The following CIB4 variants were observed in gnomAD, a reference collection of about 807,000 sequenced individuals.
The protein encoded by CIB4 is calcium and integrin-binding family member 4.
A neutral mutation model predicts 25.8 loss-of-function variants in CIB4; 25 were observed. The observed-to-expected ratio is 0.97, with a 90% CI of 0.71 to 1.35. CIB4 has a LOEUF of 1.35. CIB4 is among the 40% of genes most tolerant of loss of function. The pLI is 0.00. For missense variants in CIB4, 235 were observed against 228.2 expected (o/e 1.03, Z -0.19); for synonymous variants, 75 against 81.4 (o/e 0.92, Z 0.42).
At chr2:26,618,548 C>T (rs1172348901) in intron 3 of CIB4, among the ~76,000 whole-genome samples, 1 of 152,204 alleles carries the variant, frequency 6.6e-6, no homozygotes, top group Non-Finnish European at 1.5e-5. Context: ...AATCCTCCCA[C>T]CTCGACCTCC....
At chr2:26,591,507 G>C (rs930126325) in intron 4 of CIB4, among the ~76,000 whole-genome samples, 2 of 152,156 alleles carry the variant, frequency 1.3e-5, no homozygotes, top group Non-Finnish European at 2.9e-5. Flanking sequence ...GTGCCCTAGG[G>C]CCCCAGGAGT....
chr2:26,634,927 C>G (rs12476755), intron 2 of CIB4, among the ~76,000 whole-genome samples: 4 of 152,238 alleles, frequency 2.6e-5, no homozygotes, highest in Admixed American at 2.6e-4. Context: ...TCGGGCTGAG[C>G]CAGGCTGACC....
rs1388586200 is a variant in CIB4 at position 26,629,797 on chromosome 2, C to T, written c.90-291G>A. Reference sequence around the variant, plus strand: ...AAAGTTAGGCGAATATGCCCTGTAGCGAGCAGCACACTCTACGAGGGTTCA... The same window carrying T: ...AAAGTTAGGCGAATATGCCCTGTAGTGAGCAGCACACTCTACGAGGGTTCA... On this transcript the variant is annotated intron_variant, in intron 2 of 6. Transcript: ENST00000288861. Among the ~76,000 whole-genome samples the T allele has an allele frequency of 2.6e-5, 4 of 152,260 alleles. No individual in the cohort carries two copies. In the East Asian group the frequency reaches 7.7e-4, roughly 29 times the overall value.
At chr2:26,629,610 G>C in intron 2 of CIB4, 104 bp from the exon 3 acceptor site, 1 of 750,454 alleles carries the variant, frequency 1.3e-6, no homozygotes, top group South Asian at 1.5e-5. Context: ...CAAGGGGTGG[G>C]GGTGTCTCTT....
chr2:26,605,136 C>T (rs1352191445), intron 3 of CIB4, among the ~76,000 whole-genome samples: 1 of 151,864 alleles, frequency 6.6e-6, no homozygotes, highest in Admixed American at 6.6e-5. Flanking sequence ...CTTGAAAACC[C>T]TCAAAGTCAA....
intron 2 of CIB4, among the ~76,000 whole-genome samples, chr2:26,639,996 T>TC (rs1410339139): frequency 6.7e-6 from 1 of 150,198 alleles, no homozygotes; most frequent in African/African-American, 2.5e-5. Flanking sequence ...TGAAGTTTCT[T>TC]CCCCACTGGA....
rs186367187 is a variant in CIB4, at chr2:26,598,297, C to T, written c.187-2980G>A. ...CCTGGGTGACAGAGGGAGACTCCAT[C>T]TCAAAAAAAAAAAAAAGTGCAAAAA... On this transcript the variant is annotated intron_variant, in intron 3 of 6. Transcript: ENST00000288861. Among the ~76,000 whole-genome samples, 754 of 147,792 alleles carry T rather than the reference C, an allele frequency of 5.1e-3. 4 individuals are homozygous for T. Among genetic ancestry groups the T allele is most frequent in the Middle Eastern group, 0.01 (3 of 292 alleles).
chr2:26,634,901 G>A (rs59026065), intron 2 of CIB4, among the ~76,000 whole-genome samples: 1,962 of 152,378 alleles, frequency 0.013, 51 homozygotes, highest in African/African-American at 0.044. Context: ...AGGCAATGCA[G>A]AGTAGTCCGA....
intron 3 of CIB4, among the ~76,000 whole-genome samples, chr2:26,607,243 T>C (rs1255960354): frequency 6.6e-6 from 1 of 152,238 alleles, no homozygotes; most frequent in Admixed American, 6.5e-5. Flanking sequence ...AATGACTTCT[T>C]ATTTGACATC....
intron 4 of CIB4, among the ~76,000 whole-genome samples, chr2:26,585,936 G>T (rs982607107): frequency 6.6e-6 from 1 of 151,844 alleles, no homozygotes; most frequent in African/African-American, 2.4e-5. Flanking sequence ...GACTCTTCAG[G>T]ACTCTTCCAG....
At chr2:26,582,370 G>T (rs1267562459) in intron 6 of CIB4, among the ~76,000 whole-genome samples, 2 of 152,222 alleles carry the variant, frequency 1.3e-5, no homozygotes, top group Non-Finnish European at 2.9e-5. Flanking sequence ...GGCCTCAGAA[G>T]ACCCTTTGGG....
intron 3 of CIB4, among the ~76,000 whole-genome samples, chr2:26,620,058 G>A (rs928384813): frequency 1.3e-4 from 19 of 145,456 alleles, no homozygotes; most frequent in African/African-American, 4.2e-4. Context: ...AGCCCACAGC[G>A]GGGAAGGCAA....
chr2:26,637,583 A>G (rs138723257), intron 2 of CIB4, among the ~76,000 whole-genome samples: 5 of 152,118 alleles, frequency 3.3e-5, no homozygotes, highest in Non-Finnish European at 7.3e-5. Flanking sequence ...TCAAACAGAA[A>G]GCTCTTCCCC....
chr2:26,596,746 TAAA>T (rs11286952), intron 3 of CIB4, among the ~76,000 whole-genome samples: 85 of 143,182 alleles, frequency 5.9e-4, no homozygotes, highest in Non-Finnish European at 5.8e-4. Flanking sequence ...AAACTGCATC[TAAA>T]AAAAAAAAAA....
intron 2 of CIB4, among the ~76,000 whole-genome samples, chr2:26,630,930 C>G (rs1187491325): frequency 6.6e-6 from 1 of 152,082 alleles, no homozygotes; most frequent in Admixed American, 6.5e-5. Context: ...TGGGAGCCCA[C>G]CACCCTGACC....
At chr2:26,636,695 A>AT (rs71399399) in intron 2 of CIB4, among the ~76,000 whole-genome samples, 7,120 of 152,190 alleles carry the variant, frequency 0.047, 302 homozygotes, top group East Asian at 0.089. Flanking sequence ...ATAAGAGATG[A>AT]TTTTTTTAAT....
At chr2:26,620,084 C>T (rs1669175287) in intron 3 of CIB4, among the ~76,000 whole-genome samples, 1 of 151,034 alleles carries the variant, frequency 6.6e-6, no homozygotes, top group Non-Finnish European at 1.5e-5. Flanking sequence ...TCCTGATCTA[C>T]ATCCCAGAAT....
intron 3 of CIB4, among the ~76,000 whole-genome samples, chr2:26,603,203 C>T (rs781596799): frequency 3.9e-5 from 6 of 152,040 alleles, no homozygotes; most frequent in East Asian, 1.9e-4. Flanking sequence ...CATGGAAAAG[C>T]GAGACTGAGA....
chr2:26,624,503 G>A (rs561186603), intron 3 of CIB4, among the ~76,000 whole-genome samples: 20 of 152,236 alleles, frequency 1.3e-4, no homozygotes, highest in South Asian at 1.0e-3. Context: ...GGTGACAAAC[G>A]GAGAACAATA....
Sources: allele counts gnomAD v4.1 joint callset (sites outside exome capture counted in the v4.1 genomes callset), GRCh38; gene constraint gnomAD v4.1.1; transcripts MANE v1.5; gene names NCBI Gene and HGNC (gene_info 2026-07-23, HGNC 2026-07-21).